The following ATXN8OS variants were observed in gnomAD, a reference collection of about 807,000 sequenced individuals.
ATXN8OS encodes ATXN8 opposite strand lncRNA.
rs116464958 is a variant in ATXN8OS at position 70,116,532 on chromosome 13, C to T, written n.398+1234C>T. On this transcript the variant is annotated intron_variant and non_coding_transcript_variant, in intron 2 of 4. Transcript: ENST00000678624. The stretch of plus-strand genomic sequence containing the variant: ...AGTACTAGAAGCGAGTGAGCAGAAA[C>T]GAAACGAGCTCTATTGGAGTTCAAG... Among the ~76,000 whole-genome samples, 1,192 of 152,182 alleles carry T rather than the reference C, an allele frequency of 7.8e-3. 11 individuals carry two copies. The highest frequency in any genetic ancestry group is 0.024 in the African/African-American group (1,004 of 41,546).
intron 1 of ATXN8OS, among the ~76,000 whole-genome samples, chr13:70,109,636 C>T (rs146782988): frequency 6.6e-6 from 1 of 152,174 alleles, no homozygotes; most frequent in Non-Finnish European, 1.5e-5. Flanking sequence ...TATGCCACAA[C>T]AGCTGGACTG....
chr13:70,155,347 A>G (rs986620358), intron 4 of ATXN8OS, among the ~76,000 whole-genome samples: 1 of 152,124 alleles, frequency 6.6e-6, no homozygotes, highest in Admixed American at 6.6e-5. Context: ...CTTTTTTAGG[A>G]TAACCATAGA....
chr13:70,139,395 G>GCTA lies in ATXN8OS; in HGVS notation n.500-7958_500-7957insACT, dbSNP rs1888671713. On this transcript the variant is annotated intron_variant and non_coding_transcript_variant, in intron 3 of 4. Coordinates refer to ENST00000678624, the Ensembl canonical transcript of ATXN8OS. ...TACTACTACTACTACTGCTGCTGCT[G>GCTA]CTGCTGCTGCTGCTGCTGCTGCTGC... 1.9e-4 allele frequency: 104 copies of GCTA among 557,178 alleles called. 1 individual carries two copies. In the South Asian group the frequency reaches 2.1e-3, roughly 11 times the overall value. 34.5% of individuals were successfully genotyped at this position (557,178 alleles called of 1,614,324 possible).
intron 3 of ATXN8OS, among the ~76,000 whole-genome samples, chr13:70,133,785 T>G (rs561320039): frequency 6.6e-6 from 1 of 152,224 alleles, no homozygotes; most frequent in Admixed American, 6.5e-5. Flanking sequence ...TTAGAAAATA[T>G]ATGGTCCTGC....
At chr13:70,118,260 G>C (rs1396903617) in intron 2 of ATXN8OS, among the ~76,000 whole-genome samples, 1 of 152,064 alleles carries the variant, frequency 6.6e-6, no homozygotes, top group Non-Finnish European at 1.5e-5. Context: ...GCAATAGTCT[G>C]TAAGGAACTT....
intron 3 of ATXN8OS, among the ~76,000 whole-genome samples, chr13:70,145,847 C>G (rs1481085355): frequency 2.0e-5 from 3 of 151,440 alleles, no homozygotes; most frequent in Non-Finnish European, 4.4e-5. Flanking sequence ...AGGACATAGG[C>G]ATGGGCAAGG....
chr13:70,146,133 C>A (rs1178571031), intron 3 of ATXN8OS, among the ~76,000 whole-genome samples: 6 of 149,058 alleles, frequency 4.0e-5, no homozygotes, highest in Non-Finnish European at 7.4e-5. Flanking sequence ...CAAAAGAAGA[C>A]TTTTATGCAG....
At chr13:70,138,680 G>A (rs551677424) in intron 3 of ATXN8OS, among the ~76,000 whole-genome samples, 1 of 152,172 alleles carries the variant, frequency 6.6e-6, no homozygotes, top group Admixed American at 6.5e-5. Context: ...CAAAATGAAA[G>A]AGGAGAGAGG....
At chr13:70,125,804 G>A (rs189152886) in intron 2 of ATXN8OS, among the ~76,000 whole-genome samples, 20 of 152,280 alleles carry the variant, frequency 1.3e-4, no homozygotes, top group East Asian at 3.9e-4. Context: ...GCTGGTCTGT[G>A]CTGGCTTCTG....
At chr13:70,130,598 T>G in intron 3 of ATXN8OS, 1 of 397,466 alleles carries the variant, frequency 2.5e-6, no homozygotes, top group Non-Finnish European at 4.4e-6. Context: ...GGGTGTGAGT[T>G]GTGGGAGAGA....
At chr13:70,154,910 C>T (rs1888917631) in intron 4 of ATXN8OS, among the ~76,000 whole-genome samples, 1 of 152,184 alleles carries the variant, frequency 6.6e-6, no homozygotes, top group Admixed American at 6.5e-5. Flanking sequence ...AGATAATGGA[C>T]ATCTGGATTG....
chr13:70,164,874 A>G (rs1275298819), intron 4 of ATXN8OS, among the ~76,000 whole-genome samples: 1 of 152,066 alleles, frequency 6.6e-6, no homozygotes, highest in African/African-American at 2.4e-5. Flanking sequence ...AAATAAAAGA[A>G]TTGTGGAAAA....
intron 3 of ATXN8OS, among the ~76,000 whole-genome samples, chr13:70,130,423 A>G (rs1888514896): frequency 6.6e-6 from 1 of 152,226 alleles, no homozygotes; most frequent in Admixed American, 6.5e-5. Context: ...TCATATTAAC[A>G]TACTAAGAAG....
intron 3 of ATXN8OS, chr13:70,130,785 C>T (rs2137483029): frequency 2.5e-6 from 1 of 398,466 alleles, no homozygotes; most frequent in Non-Finnish European, 4.4e-6. Context: ...ACAGACTTCA[C>T]CTCGGAGTAC....
chr13:70,125,973 T>C (rs1366575893), intron 2 of ATXN8OS, among the ~76,000 whole-genome samples: 1 of 152,096 alleles, frequency 6.6e-6, no homozygotes, highest in Non-Finnish European at 1.5e-5. Context: ...ACAAGCGGTG[T>C]GATGCAAAGG....
intron 4 of ATXN8OS, among the ~76,000 whole-genome samples, chr13:70,147,448 G>A (rs1040579252): frequency 1.3e-5 from 2 of 152,034 alleles, no homozygotes; most frequent in African/African-American, 2.4e-5. Context: ...TCATTATATA[G>A]ATGGAGCATA....
chr13:70,167,085 A>C (rs1889084587), intron 4 of ATXN8OS, among the ~76,000 whole-genome samples: 1 of 152,006 alleles, frequency 6.6e-6, no homozygotes, highest in Non-Finnish European at 1.5e-5. Context: ...AAACTAGTTC[A>C]ACCATTGTGG....
At chr13:70,131,019 A>G in intron 3 of ATXN8OS, 1 of 398,532 alleles carries the variant, frequency 2.5e-6, no homozygotes, top group Middle Eastern at 6.3e-4. Context: ...TATCTTAAAG[A>G]GAGTTAGGAA....
chr13:70,150,553 G>A (rs1400420022), intron 4 of ATXN8OS, among the ~76,000 whole-genome samples: 1 of 152,026 alleles, frequency 6.6e-6, no homozygotes, highest in Admixed American at 6.6e-5. Context: ...CCCAATGTCT[G>A]GGTATATATA....
Sources: gnomAD v4.1 joint callset for allele counts (sites outside exome capture counted in the v4.1 genomes callset) on GRCh38, gnomAD v4.1.1 for gene constraint, MANE v1.5 for transcripts, NCBI Gene and HGNC (gene_info 2026-07-23, HGNC 2026-07-21) for gene names.